The following C5 variants were observed in gnomAD, a reference collection of about 807,000 sequenced individuals.
C5 encodes the protein C3 and PZP-like alpha-2-macroglobulin domain-containing protein 4.
C5 carries 140 observed loss-of-function variants against 218.8 expected under a neutral mutation model. The observed-to-expected ratio is 0.64, with a 90% confidence interval of 0.56 to 0.74. C5 has a LOEUF of 0.74. C5 is among the 30% of genes least tolerant of loss of function. C5 has a pLI of 0.00. For missense variants in C5, 1,700 were observed against 1,969.6 expected (o/e 0.86, Z 2.59); for synonymous variants, 614 against 682.3 (o/e 0.90, Z 1.56).
chr9:120,983,591 CAT>C (rs2047011522), intron 25 of C5, among the ~76,000 whole-genome samples: 2 of 152,088 alleles, frequency 1.3e-5, no homozygotes, highest in Admixed American at 1.3e-4. Flanking sequence ...AAAACCCTCA[CAT>C]GATTCAAAAA....
chr9:121,050,861 G>A (rs1233716948), upstream of C5, among the ~76,000 whole-genome samples: 1 of 152,144 alleles, frequency 6.6e-6, no homozygotes, highest in Non-Finnish European at 1.5e-5. Context: ...GACTGGCAAT[G>A]AAAACGCCAT....
intron 24 of C5, 59 bp downstream of exon 24, chr9:120,989,509 T>C: frequency 1.8e-6 from 2 of 1,114,868 alleles, no homozygotes; most frequent in South Asian, 2.9e-5. Context: ...AATATTAGTT[T>C]AATAAAAATA....
chr9:120,974,840 T>C lies in C5; in HGVS notation c.3956A>G (p.His1319Arg), dbSNP rs1240849632. The change falls in exon 30 of 41, where the codon CAT becomes CGT. Residue 1319 changes from histidine to arginine, a missense_variant. Transcript: ENST00000223642. ...TTTATAATTATGTAAGGCACCTTTATGCTTGTAAGAAACATCGATGTCCAT... is the reference window on the plus strand; with the variant it reads ...TTTATAATTATGTAAGGCACCTTTACGCTTGTAAGAAACATCGATGTCCAT... ...LSMDIDVSYK[H>R]KGALHNYKMT... The C allele has an allele frequency of 1.9e-6, 3 of 1,614,096 alleles. No homozygotes were observed. Among genetic ancestry groups the C allele is most frequent in the South Asian group, 2.2e-5 (2 of 91,088 alleles).
Position 121,021,523 on chromosome 9 carries a change from C to T in C5, c.1288G>A (p.Val430Met), listed in dbSNP as rs757630687. The T allele has an allele frequency of 3.1e-6, 5 of 1,613,150 alleles. No homozygotes were observed. Among genetic ancestry groups the T allele is most frequent in the East Asian group, 2.2e-5 (1 of 44,850 alleles). Residue 430 changes from valine to methionine, a missense_variant, in exon 11 of 41, where the codon GTG becomes ATG. Transcript: ENST00000223642. ...FVLNLPSGVT[V>M]LEFNVKTDAP... ...ATTCAGCTCACATTAAACTCCAGCACCGTCACTCCAGATGGGAGATTAAGC... is the reference window on the plus strand; with the variant it reads ...ATTCAGCTCACATTAAACTCCAGCATCGTCACTCCAGATGGGAGATTAAGC...
At position 121,050,239 on chromosome 9, in the gene C5, A is replaced by G; in HGVS notation, c.8T>C (p.Leu3Pro). The change falls in exon 1 of 41, where the codon CTT becomes CCT. Residue 3 changes from leucine to proline, a missense_variant. Coordinates refer to ENST00000223642, the MANE Select transcript of C5 (RefSeq NM_001735.3). ...GATTAAAAAACAAAGTATTCCCAAA[A>G]GGCCCATGGTTGGAGGTAGCAGGAA... is the stretch of plus-strand genomic sequence containing the variant. MGLLGILCFLIFL... is the reference protein window; with the variant it reads MGPLGILCFLIFL... 1 of 1,613,780 alleles carries G rather than the reference A, an allele frequency of 6.2e-7. No individual in the cohort carries two copies. The highest frequency in any genetic ancestry group is 2.2e-5 in the East Asian group (1 of 44,856).
intron 27 of C5, among the ~76,000 whole-genome samples, chr9:120,980,520 C>T (rs1256838805): frequency 6.6e-6 from 1 of 152,166 alleles, no homozygotes; most frequent in Admixed American, 6.5e-5. Context: ...GGTTTTGTGC[C>T]TTTAGTTTCT....
At chr9:121,009,800 A>G (rs1036598605) in intron 17 of C5, among the ~76,000 whole-genome samples, 12 of 152,214 alleles carry the variant, frequency 7.9e-5, no homozygotes, top group Non-Finnish European at 1.8e-4. Flanking sequence ...CTCCTCCCAC[A>G]TCCCCTAGCA....
At chr9:120,963,166 T>C (rs1453092116) in intron 34 of C5, among the ~76,000 whole-genome samples, 199 bp from the exon 35 acceptor site, 2 of 152,230 alleles carry the variant, frequency 1.3e-5, no homozygotes, top group Non-Finnish European at 2.9e-5. Flanking sequence ...TGTATGCTTC[T>C]GCTTCACTTT....
chr9:120,964,691 G>T (rs556656087), intron 33 of C5, among the ~76,000 whole-genome samples: 42 of 151,894 alleles, frequency 2.8e-4, no homozygotes, highest in Non-Finnish European at 5.3e-4. Context: ...GGAGGGTTTT[G>T]TTTTTGTTTT....
chr9:120,966,696 T>C (rs1339015230), intron 33 of C5, among the ~76,000 whole-genome samples: 1 of 152,090 alleles, frequency 6.6e-6, no homozygotes, highest in East Asian at 1.9e-4. Context: ...AGAAGCTGCC[T>C]GGGAAAGGGC....
chr9:121,032,259 A>T lies in C5; in HGVS notation c.585-64T>A, dbSNP rs2047482433. 5.4e-6 allele frequency: 5 copies of T among 933,562 alleles called. No homozygotes were observed. The South Asian group carries it at 6.7e-5, about 13-fold the overall frequency. The allele number at this position is 933,562 out of a possible 1,614,324, so 57.8% of individuals were successfully genotyped here. A position where few individuals can be genotyped will look rare whatever the true frequency, so the allele number is the denominator to read the frequency against. On this transcript the variant is annotated intron_variant, in intron 5 of 40. Coordinates refer to ENST00000223642, the MANE Select transcript of C5 (RefSeq NM_001735.3). ...AATGTTTTTAATTCACTCAGAGGAG[A>T]TCTAATAAATTCCTGTTTTAAAGAG...
intron 33 of C5, among the ~76,000 whole-genome samples, chr9:120,965,285 A>G (rs2046858676): frequency 6.6e-6 from 1 of 152,056 alleles, no homozygotes; most frequent in Non-Finnish European, 1.5e-5. Flanking sequence ...GCACTTTGAG[A>G]GGCTGAGTCA....
the C5 span, chr9:121,074,810 A>T: frequency 4.4e-6 from 2 of 455,702 alleles, no homozygotes; most frequent in Admixed American, 4.7e-5. Flanking sequence ...CGCGGCCGGA[A>T]GCCTCGCGCC....
rs765243997 is a variant in C5, at chr9:120,997,662, G to C, written c.2675C>G (p.Ser892Cys). ...CACAGTGAATGTCACCAAGTGACTGGAGGAGCCCTCTACTTTCTGGCGCAC... is the reference window on the plus strand; with the variant it reads ...CACAGTGAATGTCACCAAGTGACTGCAGGAGCCCTCTACTTTCTGGCGCAC... The part of the protein sequence containing the change: ...KCVRQKVEGS[S>C]SHLVTFTVLP... Residue 892 changes from serine to cysteine, a missense_variant, in exon 21 of 41, where the codon TCC (serine) becomes TGC (cysteine). Coordinates refer to ENST00000223642, the MANE Select transcript of C5 (RefSeq NM_001735.3). The C allele has an allele frequency of 6.2e-7, 1 of 1,614,028 alleles. No homozygotes were observed. Among genetic ancestry groups the C allele is most frequent in the African/African-American group, 1.3e-5 (1 of 74,918 alleles).
In C5 at chr9:121,043,179, T is replaced by C; in HGVS notation, c.259-13A>G. The stretch of plus-strand genomic sequence containing the variant: ...GTTTTGGTTGTATCTGGAAAAGAAA[T>C]TGTTGATGGAAAAAGTATAATAATT... On this transcript the variant is annotated splice_polypyrimidine_tract_variant and intron_variant, in intron 2 of 40. Transcript: ENST00000223642. 1 of 1,603,166 alleles carries C rather than the reference T, an allele frequency of 6.2e-7. No individual in the cohort carries two copies. Among genetic ancestry groups the C allele is most frequent in the Non-Finnish European group, 8.5e-7 (1 of 1,171,702 alleles).
intron 25 of C5, among the ~76,000 whole-genome samples, chr9:120,986,019 C>T (rs1455380779): frequency 6.6e-6 from 1 of 152,170 alleles, no homozygotes; most frequent in Non-Finnish European, 1.5e-5. Context: ...CTCTTGCACA[C>T]AGTTTTCCAA....
intron 17 of C5, among the ~76,000 whole-genome samples, chr9:121,010,032 T>C (rs1331605830): frequency 6.6e-6 from 1 of 152,200 alleles, no homozygotes; most frequent in African/African-American, 2.4e-5. Context: ...CTCCCCACCA[T>C]GGGCTGGAGT....
intron 29 of C5, among the ~76,000 whole-genome samples, chr9:120,975,483 T>C (rs1199621482): frequency 6.6e-6 from 1 of 152,218 alleles, no homozygotes; most frequent in African/African-American, 2.4e-5. Context: ...AGTTCATGTG[T>C]TGGAAAGCTT....
At chr9:120,963,074 A>C in intron 34 of C5, 107 bp from the exon 35 acceptor site, 1 of 888,310 alleles carries the variant, frequency 1.1e-6, no homozygotes, top group Non-Finnish European at 1.9e-6. Context: ...TCTGTAATTC[A>C]AAGAAATTGA....
Sources: gnomAD v4.1 joint callset for allele counts (sites outside exome capture counted in the v4.1 genomes callset) on GRCh38, gnomAD v4.1.1 for gene constraint, MANE v1.5 for transcripts, NCBI Gene and HGNC (gene_info 2026-07-23, HGNC 2026-07-21) for gene names.